The following PCCB variants were observed in gnomAD, a reference collection of about 807,000 sequenced individuals.
PCCB encodes the protein propionyl-CoA carboxylase subunit beta.
A neutral mutation model predicts 60.7 loss-of-function variants in PCCB; 43 were observed. That is an observed-to-expected ratio of 0.71 (90% CI 0.55 to 0.91). The LOEUF (loss-of-function observed/expected upper bound fraction) is 0.91, where lower values mean the gene tolerates loss of function less well. Among genes scored for constraint, PCCB ranks in the 40% least tolerant of loss-of-function variants. PCCB has a pLI of 0.00. For missense variants in PCCB, 766 were observed against 702.8 expected (o/e 1.09, Z -1.02); for synonymous variants, 276 against 255.9 (o/e 1.08, Z -0.75).
Position 136,253,454 on chromosome 3 carries a change from G to A in PCCB, c.184-2402G>A, listed in dbSNP as rs535579181. Among the ~76,000 whole-genome samples, 446 of 151,600 alleles carry A rather than the reference G, an allele frequency of 2.9e-3. 4 individuals carry two copies. Among genetic ancestry groups the A allele is most frequent in the Non-Finnish European group, 4.4e-3 (301 of 67,840 alleles). On this transcript the variant is annotated intron_variant, in intron 1 of 14. Transcript: ENST00000251654. ...GGCTGGAGTGCGGTGGAGTGATCGTGGCTCACTACAACCTCTGCTTCCCAG... is the reference window on the plus strand; with the variant it reads ...GGCTGGAGTGCGGTGGAGTGATCGTAGCTCACTACAACCTCTGCTTCCCAG...
intron 7 of PCCB, among the ~76,000 whole-genome samples, chr3:136,294,650 G>T (rs1560016280): frequency 1.3e-5 from 2 of 151,886 alleles, no homozygotes; most frequent in Non-Finnish European, 2.9e-5. Context: ...TCATGCTATT[G>T]CCCAGGCTGG....
In PCCB at chr3:136,327,113, G is replaced by A. The variant is rs374155049; in HGVS notation, c.1199-42G>A. The stretch of plus-strand genomic sequence containing the variant: ...CAGCTGAGAGTGGCAGGATAACCAT[G>A]TGAGGACTTGTGGGTATCTAGTAAC... On this transcript the variant is annotated intron_variant, in intron 11 of 14. Transcript: ENST00000251654. 3 of 1,556,694 alleles carry A rather than the reference G, an allele frequency of 1.9e-6. No individual in the cohort carries two copies. The South Asian group carries it at 3.3e-5, about 17-fold the overall frequency.
At chr3:136,299,816 A>C (rs1215442274) in intron 8 of PCCB, among the ~76,000 whole-genome samples, 1 of 148,880 alleles carries the variant, frequency 6.7e-6, no homozygotes, top group Non-Finnish European at 1.5e-5. Context: ...ATAGGTATGC[A>C]TGTGTATGTA....
At chr3:136,256,229 G>A (rs865931833) in intron 2 of PCCB, 6 of 572,224 alleles carry the variant, frequency 1.0e-5, no homozygotes, top group Admixed American at 6.1e-5. Context: ...AGGCGTGAGC[G>A]ACCGTACCCT....
intron 10 of PCCB, among the ~76,000 whole-genome samples, chr3:136,321,017 T>C (rs1170655599): frequency 6.6e-6 from 1 of 152,210 alleles, no homozygotes; most frequent in Non-Finnish European, 1.5e-5. Context: ...TTTTCTTTGT[T>C]TTATCATGAA....
chr3:136,268,084 G>GTATATATATATA (rs1296672355), intron 5 of PCCB, among the ~76,000 whole-genome samples: 8 of 60,948 alleles, frequency 1.3e-4, no homozygotes, highest in Non-Finnish European at 2.0e-4. Flanking sequence ...GTGTGTGTGT[G>GTATATATATATA]TAGATATATA....
intron 14 of PCCB, among the ~76,000 whole-genome samples, 159 bp from the exon 15 acceptor site, chr3:136,329,746 G>C (rs1481510743): frequency 6.6e-6 from 1 of 152,138 alleles, no homozygotes; most frequent in East Asian, 1.9e-4. Context: ...CCAGCTCCTG[G>C]GATACAAGGG....
intron 10 of PCCB, among the ~76,000 whole-genome samples, chr3:136,319,879 A>T (rs1018304131): frequency 4.6e-5 from 7 of 152,088 alleles, no homozygotes; most frequent in African/African-American, 1.7e-4. Context: ...TTAATTTTAT[A>T]TGTATTGGAT....
At position 136,318,650 on chromosome 3, in the gene PCCB, GTGTT is replaced by G. The variant is rs1323941947; in HGVS notation, c.1090+1590_1090+1593del. 5.9e-5 allele frequency among the ~76,000 whole-genome samples: 9 copies of G among 152,282 alleles called. No individual in the cohort carries two copies. The East Asian group carries it at 1.2e-3, about 20-fold the overall frequency. Reference sequence around the variant, plus strand: ...TATTTCATATAAATGGAATCATACAGTGTTTGTCCTTTTATATCAATCTTATTTC... The same window carrying G: ...TATTTCATATAAATGGAATCATACAGTGTCCTTTTATATCAATCTTATTTC... On this transcript the variant is annotated intron_variant, in intron 10 of 14. Coordinates refer to ENST00000251654, the MANE Select transcript of PCCB (RefSeq NM_000532.5).
intron 5 of PCCB, among the ~76,000 whole-genome samples, chr3:136,273,586 TTTTCTTTTTTC>T (rs1942257040): frequency 7.5e-6 from 1 of 133,772 alleles, no homozygotes. Context: ...TTCTTTTTTT[TTTTCTTTTTTC>T]TTTTTTTTTT....
In PCCB at chr3:136,306,981, C is replaced by G. The variant is rs1560023190; in HGVS notation, c.966+5870C>G. On this transcript the variant is annotated intron_variant, in intron 9 of 14. Transcript: ENST00000251654. Reference sequence around the variant, plus strand: ...TAAAATAAGGAGAAATACTCAGGACCTTTGGGCAGAAATCAAATGACTTAC... The same window carrying G: ...TAAAATAAGGAGAAATACTCAGGACGTTTGGGCAGAAATCAAATGACTTAC... 1.6e-5 allele frequency among the ~76,000 whole-genome samples: 2 copies of G among 122,476 alleles called. 1 individual carries two copies. The highest frequency in any genetic ancestry group is 3.6e-5 in the Non-Finnish European group (2 of 54,968). 80.3% of individuals were successfully genotyped at this position (122,476 alleles called of 152,430 possible). A position where few individuals can be genotyped will look rare whatever the true frequency, so the allele number is the denominator to read the frequency against.
At chr3:136,256,445 C>T (rs1447604319) in intron 2 of PCCB, 110 bp from the exon 3 acceptor site, 8 of 774,986 alleles carry the variant, frequency 1.0e-5, no homozygotes, top group Admixed American at 3.9e-5. Flanking sequence ...TTCATATTGA[C>T]GTTTTAGGAA....
At position 136,283,976 on chromosome 3, in the gene PCCB, C is replaced by T. The variant is rs145089027; in HGVS notation, c.654+29C>T. On this transcript the variant is annotated intron_variant, in intron 6 of 14. Coordinates refer to ENST00000251654, the MANE Select transcript of PCCB (RefSeq NM_000532.5). The stretch of plus-strand genomic sequence containing the variant: ...AGAAAGAAGGGCCTGTTTTTGGTGC[C>T]GTTTGAGATTTGTGCAGTTCCTTAC... 7.0e-4 allele frequency: 978 copies of T among 1,402,480 alleles called. 4 individuals carry two copies. In the African/African-American group the frequency reaches 0.01, roughly 15 times the overall value. 86.9% of individuals were successfully genotyped at this position (1,402,480 alleles called of 1,614,324 possible). A position where few individuals can be genotyped will look rare whatever the true frequency, so the allele number is the denominator to read the frequency against.
rs1576342340 is a variant in PCCB at position 136,301,902 on chromosome 3, C to T, written c.966+791C>T. ...TGCAATCACTTTCTAATTTTCCCTG[C>T]ATATGCAGTTGTTTTTGAGTGTCCT... is the stretch of plus-strand genomic sequence containing the variant. On this transcript the variant is annotated intron_variant, in intron 9 of 14. Coordinates refer to ENST00000251654, the MANE Select transcript of PCCB (RefSeq NM_000532.5). Among the ~76,000 whole-genome samples the T allele has an allele frequency of 3.3e-5, 5 of 152,318 alleles. No individual in the cohort carries two copies. The South Asian group carries it at 1.0e-3, about 32-fold the overall frequency.
Position 136,266,131 on chromosome 3 carries a change from G to GTT in PCCB, c.543+4080_543+4081dup, listed in dbSNP as rs757902404. Among the ~76,000 whole-genome samples, 385 of 124,906 alleles carry GTT rather than the reference G, an allele frequency of 3.1e-3. 7 individuals carry two copies. In the East Asian group the frequency reaches 0.054, roughly 17 times the overall value. 81.9% of individuals were successfully genotyped at this position (124,906 alleles called of 152,430 possible). A position where few individuals can be genotyped will look rare whatever the true frequency, so the allele number is the denominator to read the frequency against. ...TGAGCCACCACCATGCCCAGCCTTG[G>GTT]TTTTTTTTTTTTTTTGAGATGGAGT... On this transcript the variant is annotated intron_variant, in intron 5 of 14. Coordinates refer to ENST00000251654, the MANE Select transcript of PCCB (RefSeq NM_000532.5).
intron 6 of PCCB, among the ~76,000 whole-genome samples, chr3:136,292,535 A>G (rs559193561): frequency 6.3e-4 from 96 of 152,340 alleles, no homozygotes; most frequent in African/African-American, 2.3e-3. Flanking sequence ...AACAACCTTC[A>G]TGACCATCAA....
At chr3:136,321,968 G>A (rs1023631405) in intron 10 of PCCB, among the ~76,000 whole-genome samples, 3 of 152,214 alleles carry the variant, frequency 2.0e-5, no homozygotes, top group South Asian at 2.1e-4. Flanking sequence ...ATGTGTATAC[G>A]TTTTATTTTC....
At chr3:136,308,825 C>A (rs1934546156) in intron 9 of PCCB, among the ~76,000 whole-genome samples, 1 of 151,994 alleles carries the variant, frequency 6.6e-6, no homozygotes, top group Non-Finnish European at 1.5e-5. Context: ...GTAAACAATT[C>A]TTGGATGAAA....
intron 2 of PCCB, chr3:136,256,321 A>G (rs1275837307): frequency 1.7e-6 from 1 of 586,210 alleles, no homozygotes; most frequent in Non-Finnish European, 3.0e-6. Flanking sequence ...TGCTTTTAGG[A>G]GGGTACATAA....
Sources: gnomAD v4.1 joint callset for allele counts (sites outside exome capture counted in the v4.1 genomes callset) on GRCh38, gnomAD v4.1.1 for gene constraint, MANE v1.5 for transcripts, NCBI Gene and HGNC (gene_info 2026-07-23, HGNC 2026-07-21) for gene names.